The following KCNT1 variants were observed in gnomAD, a reference collection of about 807,000 sequenced individuals.
The protein encoded by KCNT1 is potassium channel subfamily T member 1.
In KCNT1, 78 loss-of-function variants were observed where a neutral mutation model predicts 147.8. The ratio of observed to expected loss-of-function variants is 0.53; its 90% CI spans 0.44 to 0.64. The LOEUF (loss-of-function observed/expected upper bound fraction) is 0.64, where lower values mean the gene tolerates loss of function less well. Ranked by LOEUF, KCNT1 falls within the 30% of genes least tolerant of loss-of-function variation. KCNT1 has a pLI of 0.00. For missense variants in KCNT1, 1,419 were observed against 1,750.3 expected (o/e 0.81, Z 3.38); for synonymous variants, 867 against 748.8 (o/e 1.16, Z -2.58).
intron 2 of KCNT1, among the ~76,000 whole-genome samples, chr9:135,741,717 AG>A (rs1830576727): frequency 6.6e-6 from 1 of 152,220 alleles, no homozygotes; most frequent in South Asian, 2.1e-4. Flanking sequence ...TAGGCCGATG[AG>A]CGTGTGCCTG....
intron 16 of KCNT1, 116 bp downstream of exon 16, chr9:135,770,171 C>A: frequency 7.2e-7 from 1 of 1,392,292 alleles, no homozygotes; most frequent in African/African-American, 1.4e-5. Flanking sequence ...ACATGGCGGG[C>A]AAAAGTCCTG....
intron 2 of KCNT1, among the ~76,000 whole-genome samples, chr9:135,731,752 A>G (rs1226989765): frequency 6.6e-6 from 1 of 151,234 alleles, no homozygotes; most frequent in African/African-American, 2.4e-5. Flanking sequence ...ACTGCAGAAA[A>G]TCTGCAGCCA....
At chr9:135,727,044 T>TCTCC (rs1326150062) in intron 2 of KCNT1, among the ~76,000 whole-genome samples, 10 of 62,744 alleles carry the variant, frequency 1.6e-4, no homozygotes, top group Non-Finnish European at 2.6e-4. Context: ...CCATTCTCTC[T>TCTCC]CTCTCTCCCT....
chr9:135,723,946 G>C lies in KCNT1; in HGVS notation c.254+9226G>C, dbSNP rs1005424224. On this transcript the variant is annotated intron_variant, in intron 2 of 30. Coordinates refer to ENST00000371757, the MANE Select transcript of KCNT1 (RefSeq NM_020822.3). ...CAGTGTCCGTTCCCCTGAGGGTGCT[G>C]TGGGCTGGGGAGGCCCAGGTATCCC... 3.3e-5 allele frequency among the ~76,000 whole-genome samples: 5 copies of C among 152,176 alleles called. No individual in the cohort carries two copies. The East Asian group carries it at 9.7e-4, about 29-fold the overall frequency.
chr9:135,743,394 C>CT (rs1382157240), intron 2 of KCNT1, among the ~76,000 whole-genome samples: 1 of 152,112 alleles, frequency 6.6e-6, no homozygotes, highest in Non-Finnish European at 1.5e-5. Flanking sequence ...GGGCCCCAGG[C>CT]TTACTGTTCC....
chr9:135,702,440 G>C, intron 1 of KCNT1, 72 bp downstream of exon 1: 1 of 1,244,852 alleles, frequency 8.0e-7, no homozygotes, highest in Non-Finnish European at 1.2e-6. Flanking sequence ...TCCCCCTCAG[G>C]CTCCCGCACC....
At chr9:135,749,253 G>A (rs1831012163) in intron 2 of KCNT1, among the ~76,000 whole-genome samples, 1 of 152,204 alleles carries the variant, frequency 6.6e-6, no homozygotes, top group African/African-American at 2.4e-5. Flanking sequence ...ACTCTTGGTG[G>A]CCAGCCTGGG....
intron 22 of KCNT1, 75 bp from the exon 23 acceptor site, chr9:135,778,613 C>G: frequency 1.2e-6 from 2 of 1,605,926 alleles, no homozygotes; most frequent in South Asian, 2.2e-5. Flanking sequence ...CTCCTGCCTT[C>G]TGACCAAATC....
chr9:135,759,891 A>T lies in KCNT1; in HGVS notation c.1035+32A>T, dbSNP rs148512298. On this transcript the variant is annotated intron_variant, in intron 11 of 30. Coordinates refer to ENST00000371757, the MANE Select transcript of KCNT1 (RefSeq NM_020822.3). The stretch of plus-strand genomic sequence containing the variant: ...CCTCTGGGCACCAGCCCTGGGTGGC[A>T]CCAGCAAAGGGACAGGCGGGTGCCA... 1.9e-4 allele frequency: 303 copies of T among 1,564,646 alleles called. 1 individual carries two copies. The African/African-American group carries it at 3.9e-3, about 20-fold the overall frequency.
chr9:135,755,984 G>A (rs1831458509), intron 6 of KCNT1, among the ~76,000 whole-genome samples: 1 of 141,166 alleles, frequency 7.1e-6, no homozygotes, highest in African/African-American at 2.7e-5. Flanking sequence ...GACAAACCCA[G>A]CATTTACTGA....
intron 24 of KCNT1, among the ~76,000 whole-genome samples, chr9:135,781,255 C>T (rs1833589004): frequency 6.6e-6 from 1 of 152,250 alleles, no homozygotes; most frequent in East Asian, 1.9e-4. Flanking sequence ...CAGCCGTGAG[C>T]TCCTCTGGGC....
intron 1 of KCNT1, among the ~76,000 whole-genome samples, chr9:135,712,195 C>T (rs1835528696): frequency 6.6e-6 from 1 of 152,172 alleles, no homozygotes. Flanking sequence ...TCACCTCAGC[C>T]CTGGCTCCAA....
At chr9:135,747,339 G>A in intron 2 of KCNT1, among the ~76,000 whole-genome samples, 1 of 151,340 alleles carries the variant, frequency 6.6e-6, no homozygotes. Context: ...CGGGACAGTG[G>A]TAGGGAGGCG....
At chr9:135,768,704 G>A in intron 14 of KCNT1, 31 bp downstream of exon 14, 3 of 1,545,716 alleles carry the variant, frequency 1.9e-6, no homozygotes, top group Non-Finnish European at 1.7e-6. Context: ...GCCCAGGCGG[G>A]AGGGGCACCG....
Position 135,753,859 on chromosome 9 carries a change from G to C in KCNT1, c.435-78G>C, listed in dbSNP as rs993105880. On this transcript the variant is annotated intron_variant, in intron 4 of 30. Coordinates refer to ENST00000371757, the MANE Select transcript of KCNT1 (RefSeq NM_020822.3). ...AGGAGGCCCCCATGAACCCGAGCCT[G>C]TGGAAGCCCTCGGGCAGCAAGTCCT... is the stretch of plus-strand genomic sequence containing the variant. 8 of 1,517,238 alleles carry C rather than the reference G, an allele frequency of 5.3e-6. No individual in the cohort carries two copies. In the East Asian group the frequency reaches 1.8e-4, roughly 34 times the overall value. 94.0% of individuals were successfully genotyped at this position (1,517,238 alleles called of 1,614,324 possible).
intron 2 of KCNT1, among the ~76,000 whole-genome samples, chr9:135,715,794 C>T (rs533512192): frequency 2.0e-4 from 31 of 152,304 alleles, no homozygotes; most frequent in African/African-American, 6.7e-4. Flanking sequence ...TCTTAAAACC[C>T]CTCTGCCTGC....
intron 29 of KCNT1, among the ~76,000 whole-genome samples, chr9:135,787,595 C>CGGGTGACTG (rs1354274058): frequency 6.6e-6 from 1 of 152,190 alleles, no homozygotes; most frequent in Non-Finnish European, 1.5e-5. Flanking sequence ...GAGCTGCTCA[C>CGGGTGACTG]GGGTGACTGG....
rs1412152943 is a variant in KCNT1 at position 135,765,205 on chromosome 9, CT to C, written c.1200+12del. On this transcript the variant is annotated intron_variant, in intron 12 of 30. Coordinates refer to ENST00000371757, the MANE Select transcript of KCNT1 (RefSeq NM_020822.3). ...CCACCCCCGGCTCCAGGTGAGGCCC[CT>C]TACCGTGGCCCAGCAGACGACTCCC... is the stretch of plus-strand genomic sequence containing the variant. 3 of 1,606,370 alleles carry C rather than the reference CT, an allele frequency of 1.9e-6. No individual in the cohort carries two copies. The South Asian group carries it at 3.3e-5, about 18-fold the overall frequency.
chr9:135,761,114 C>G (rs556820321), intron 11 of KCNT1, among the ~76,000 whole-genome samples: 4 of 152,018 alleles, frequency 2.6e-5, no homozygotes, highest in Non-Finnish European at 5.9e-5. Context: ...GCGATCCTCC[C>G]GCCTCAGCCC....
Sources: gnomAD v4.1 joint callset for allele counts (sites outside exome capture counted in the v4.1 genomes callset) on GRCh38, gnomAD v4.1.1 for gene constraint, MANE v1.5 for transcripts, NCBI Gene and HGNC (gene_info 2026-07-23, HGNC 2026-07-21) for gene names.